The following RIMS2 variants were observed in gnomAD, a reference collection of about 807,000 sequenced individuals.
RIMS2 encodes the protein regulating synaptic membrane exocytosis protein 2.
RIMS2 carries 59 observed loss-of-function variants against 174.4 expected under a neutral mutation model. That is an observed-to-expected ratio of 0.34 (90% CI 0.27 to 0.42). The LOEUF is 0.42. Ranked by LOEUF, RIMS2 falls within the 10% of genes least tolerant of loss-of-function variation. RIMS2 has a pLI of 1.00. For synonymous variants in RIMS2, 606 were observed against 572.5 expected, an observed-to-expected ratio of 1.06 and a Z score of -0.84; for missense variants, 1,620 against 1,666.3, an observed-to-expected ratio of 0.97 and a Z score of 0.48.
intron 3 of RIMS2, among the ~76,000 whole-genome samples, chr8:103,878,964 GA>G (rs1455198526): frequency 6.6e-6 from 1 of 151,614 alleles, no homozygotes; most frequent in Non-Finnish European, 1.5e-5. Context: ...TTATTCTCAT[GA>G]AAACCTTTTA....
rs553647262 is a variant in RIMS2, at chr8:103,926,293, T to C, written c.2197-1549T>C. Among the ~76,000 whole-genome samples the C allele has an allele frequency of 2.0e-5, 3 of 151,746 alleles. No individual in the cohort carries two copies. The East Asian group carries it at 5.8e-4, about 29-fold the overall frequency. On this transcript the variant is annotated intron_variant, in intron 10 of 23. Coordinates refer to ENST00000504942, the Ensembl canonical transcript of RIMS2. ...ATGCCAAATTTCTCTATGAATTTCA[T>C]ATATCCCCTCTGTCATTTGCTAAAG...
chr8:104,203,634 G>A (rs1004385076), intron 19 of RIMS2, among the ~76,000 whole-genome samples: 14 of 151,152 alleles, frequency 9.3e-5, no homozygotes, highest in African/African-American at 3.4e-4. Context: ...CTCCCAAGTA[G>A]CTGGAATCAC....
intron 3 of RIMS2, among the ~76,000 whole-genome samples, chr8:103,845,467 G>T (rs2098962971): frequency 6.6e-6 from 1 of 152,054 alleles, no homozygotes. Flanking sequence ...ACTTTCACTT[G>T]TCTTAGATAA....
chr8:103,810,861 C>T (rs572173750), intron 3 of RIMS2, among the ~76,000 whole-genome samples: 1 of 152,272 alleles, frequency 6.6e-6, no homozygotes, highest in African/African-American at 2.4e-5. Context: ...TATGAATGGG[C>T]ACTCTTGGAG....
intron 19 of RIMS2, among the ~76,000 whole-genome samples, chr8:104,065,232 T>G (rs1460724269): frequency 6.6e-6 from 1 of 152,096 alleles, no homozygotes; most frequent in African/African-American, 2.4e-5. Flanking sequence ...TTCATTCAAT[T>G]TATCACTTTC....
intron 4 of RIMS2, among the ~76,000 whole-genome samples, chr8:103,891,216 G>T (rs1476534353): frequency 6.6e-6 from 1 of 152,024 alleles, no homozygotes; most frequent in Non-Finnish European, 1.5e-5. Flanking sequence ...CAAGTTCACA[G>T]AGTAAGGGTA....
downstream of RIMS2, chr8:104,251,859 C>CA (rs34085789): frequency 0.19 from 128,298 of 688,712 alleles, 2,730 homozygotes; most frequent in African/African-American, 0.29. Flanking sequence ...ACCAGCGTTA[C>CA]AAAAAAAAAA....
intron 1 of RIMS2, among the ~76,000 whole-genome samples, chr8:103,566,158 C>A (rs1245807268): frequency 6.6e-6 from 1 of 152,064 alleles, no homozygotes; most frequent in African/African-American, 2.4e-5. Context: ...TGAGTCAAAT[C>A]CAGTGCCATG....
intron 15 of RIMS2, among the ~76,000 whole-genome samples, chr8:103,963,218 C>T (rs2090729800): frequency 1.3e-5 from 2 of 151,902 alleles, no homozygotes; most frequent in Non-Finnish European, 2.9e-5. Context: ...CTGGGTAAAG[C>T]AACTCAGATG....
At chr8:103,696,009 C>T (rs951433904) in intron 1 of RIMS2, among the ~76,000 whole-genome samples, 1 of 152,118 alleles carries the variant, frequency 6.6e-6, no homozygotes, top group African/African-American at 2.4e-5. Flanking sequence ...TGTTGTCTCT[C>T]ATTAGTTTTG....
At chr8:103,544,175 G>A (rs754185776) in intron 1 of RIMS2, among the ~76,000 whole-genome samples, 5 of 152,298 alleles carry the variant, frequency 3.3e-5, no homozygotes, top group South Asian at 2.1e-4. Context: ...CAGCAGTCCC[G>A]CTTTTCTGTT....
chr8:103,760,190 C>T (rs935015743), intron 2 of RIMS2, among the ~76,000 whole-genome samples: 1 of 152,200 alleles, frequency 6.6e-6, no homozygotes, highest in Non-Finnish European at 1.5e-5. Context: ...TTAAAGCTCT[C>T]AGGAGGATGT....
At chr8:103,664,601 G>A (rs2096645421) in intron 1 of RIMS2, among the ~76,000 whole-genome samples, 1 of 152,150 alleles carries the variant, frequency 6.6e-6, no homozygotes, top group African/African-American at 2.4e-5. Flanking sequence ...AGTTAGAATG[G>A]CAATCATTAA....
intron 14 of RIMS2, among the ~76,000 whole-genome samples, chr8:103,959,497 A>G (rs2089039826): frequency 6.6e-6 from 1 of 151,830 alleles, no homozygotes; most frequent in Non-Finnish European, 1.5e-5. Context: ...ATCTTGGCTC[A>G]CTGCAACCTC....
At chr8:103,506,841 AC>A (rs1038356805) in intron 1 of RIMS2, among the ~76,000 whole-genome samples, 9 of 152,172 alleles carry the variant, frequency 5.9e-5, no homozygotes, top group African/African-American at 2.2e-4. Context: ...CTCAGCAAAT[AC>A]CATTCTTAAG....
At chr8:104,004,998 G>C (rs1160166009) in intron 17 of RIMS2, among the ~76,000 whole-genome samples, 6 of 152,158 alleles carry the variant, frequency 3.9e-5, no homozygotes, top group Admixed American at 3.9e-4. Context: ...TAGAGTCCAG[G>C]GTGGATAAGG....
chr8:103,789,598 C>T (rs1439503903), intron 3 of RIMS2, among the ~76,000 whole-genome samples: 1 of 152,142 alleles, frequency 6.6e-6, no homozygotes, highest in Non-Finnish European at 1.5e-5. Flanking sequence ...AGGGTGTGTA[C>T]ACCAGGTGGC....
At chr8:103,546,633 T>TA (rs1845248577) in intron 1 of RIMS2, among the ~76,000 whole-genome samples, 1 of 152,170 alleles carries the variant, frequency 6.6e-6, no homozygotes, top group African/African-American at 2.4e-5. Flanking sequence ...CAATCAGTCA[T>TA]AAAAAATTTC....
chr8:103,662,649 C>T (rs1282026690), intron 1 of RIMS2, among the ~76,000 whole-genome samples: 1 of 151,732 alleles, frequency 6.6e-6, no homozygotes, highest in Non-Finnish European at 1.5e-5. Context: ...AATGAAACAC[C>T]TTTTCCCTTT....
Sources: gnomAD v4.1 joint callset for allele counts (sites outside exome capture counted in the v4.1 genomes callset) on GRCh38, gnomAD v4.1.1 for gene constraint, MANE v1.5 for transcripts, NCBI Gene and HGNC (gene_info 2026-07-23, HGNC 2026-07-21) for gene names.